The following ABCG8 variants were observed in gnomAD, a reference collection of about 807,000 sequenced individuals.
The protein encoded by ABCG8 is ATP-binding cassette sub-family G member 8.
Under a neutral mutation model 71.3 loss-of-function variants are expected in ABCG8, and 81 were observed. That is an observed-to-expected ratio of 1.14 (90% CI 0.95 to 1.37). The LOEUF (loss-of-function observed/expected upper bound fraction) is 1.37. Ranked by LOEUF, ABCG8 falls within the 40% of genes most tolerant of loss-of-function variation. The pLI is 0.00. For missense variants in ABCG8, 1,119 were observed against 866.2 expected (o/e 1.29, Z -3.66); for synonymous variants, 451 against 354.7 (o/e 1.27, Z -3.05).
At chr2:43,839,613 G>GT (rs1668499777) in intron 1 of ABCG8, among the ~76,000 whole-genome samples, 4 of 151,530 alleles carry the variant, frequency 2.6e-5, no homozygotes, top group African/African-American at 7.3e-5. Context: ...TTTTAGTAGA[G>GT]ACAGTGTTTC....
chr2:43,869,590 G>A lies in ABCG8; in HGVS notation c.965-2386G>A, dbSNP rs572801130. 5.5e-4 allele frequency among the ~76,000 whole-genome samples: 83 copies of A among 152,206 alleles called. No homozygotes were observed. In the South Asian group the frequency reaches 0.016, roughly 30 times the overall value. Reference sequence around the variant, plus strand: ...GGATAGAACTCTCAGTATCTGGATAGAATTCTTACTCTCTGGATAGAACTC... The same window carrying A: ...GGATAGAACTCTCAGTATCTGGATAAAATTCTTACTCTCTGGATAGAACTC... On this transcript the variant is annotated intron_variant, in intron 6 of 12. Transcript: ENST00000272286.
chr2:43,874,512 C>T (rs963006546), intron 10 of ABCG8, 29 bp downstream of exon 10: 1 of 1,563,168 alleles, frequency 6.4e-7, no homozygotes, highest in Non-Finnish European at 8.8e-7. Context: ...GAGCAAGTGC[C>T]CCCCACCCAC....
chr2:43,874,383 C>T (rs1197177478), intron 9 of ABCG8, 24 bp from the exon 10 acceptor site: 1 of 1,539,902 alleles, frequency 6.5e-7, no homozygotes, highest in Non-Finnish European at 9.0e-7. Flanking sequence ...TCTTCATTCT[C>T]TTTTCCTTTC....
At chr2:43,839,557 G>A (rs1668497388) in intron 1 of ABCG8, among the ~76,000 whole-genome samples, 1 of 151,356 alleles carries the variant, frequency 6.6e-6, no homozygotes, top group Non-Finnish European at 1.5e-5. Flanking sequence ...CTCCCAAGTA[G>A]CTGAGATTAC....
intron 4 of ABCG8, among the ~76,000 whole-genome samples, chr2:43,852,065 G>A (rs1238622197): frequency 6.6e-6 from 1 of 152,238 alleles, no homozygotes; most frequent in Non-Finnish European, 1.5e-5. Context: ...TGGGATGAGT[G>A]TATTTGTTTG....
chr2:43,853,366 G>C (rs1668993140), intron 6 of ABCG8, among the ~76,000 whole-genome samples: 1 of 152,264 alleles, frequency 6.6e-6, no homozygotes, highest in Admixed American at 6.5e-5. Flanking sequence ...CCCTTTGCTT[G>C]GGTCCTGAAC....
Position 43,872,084 on chromosome 2 carries a change from A to T in ABCG8, c.1073A>T (p.Asp358Val). The T allele has an allele frequency of 6.2e-7, 1 of 1,614,110 alleles. No individual in the cohort carries two copies. The highest frequency in any genetic ancestry group is 8.5e-7 in the Non-Finnish European group (1 of 1,180,032). ...LFLEKVRDLD[D>V]FLWKAETKDL... ...CTAGAAAAAGTGCGTGACTTAGATG[A>T]CTTTCTATGGAAAGCAGAGACGAAG... Residue 358 changes from aspartate (D) to valine (V), a missense_variant, in exon 7 of 13, where the codon GAC becomes GTC. By Grantham distance (152) the Asp-to-Val change is radical. Transcript: ENST00000272286.
chr2:43,856,621 C>A (rs762520936), intron 6 of ABCG8, among the ~76,000 whole-genome samples: 2 of 151,092 alleles, frequency 1.3e-5, no homozygotes, highest in Non-Finnish European at 3.0e-5. Context: ...CTGAATAGAA[C>A]TCTCTATCCG....
At position 43,875,232 on chromosome 2, in the gene ABCG8, C is replaced by G. The variant is rs1669919477; in HGVS notation, c.1575C>G (p.Leu525=). ...TYWLANLRPG[L]QPFLLHFLLV... ...GGCTGGCCAACCTGAGGCCAGGCCT[C>G]CAGCCCTTCCTGCTGCACTTCCTGC... The change falls in exon 11 of 13, where the codon CTC becomes CTG. Residue 525 remains leucine, a synonymous_variant. Coordinates refer to ENST00000272286, the MANE Select transcript of ABCG8 (RefSeq NM_022437.3). 1.2e-6 allele frequency: 2 copies of G among 1,614,232 alleles called. No homozygotes were observed. The highest frequency in any genetic ancestry group is 1.7e-6 in the Non-Finnish European group (2 of 1,180,036).
rs537784677 is a variant in ABCG8, at chr2:43,839,403, C to CTTTTTTTTTTTT, written c.63+317_63+328dup. On this transcript the variant is annotated intron_variant, in intron 1 of 12. Coordinates refer to ENST00000272286, the MANE Select transcript of ABCG8 (RefSeq NM_022437.3). ...CACTTTTTCTTTTTTCTTTTCTTCT[C>CTTTTTTTTTTTT]TTTTTTTTTTTTTTTTTTTTTTTTT... 4.6e-4 allele frequency among the ~76,000 whole-genome samples: 27 copies of CTTTTTTTTTTTT among 59,298 alleles called. 6 individuals carry two copies. Among genetic ancestry groups the CTTTTTTTTTTTT allele is most frequent in the Non-Finnish European group, 7.7e-4 (24 of 31,224 alleles). 38.9% of individuals were successfully genotyped at this position (59,298 alleles called of 152,430 possible).
chr2:43,859,556 G>A (rs1035234986), intron 6 of ABCG8, among the ~76,000 whole-genome samples: 1 of 150,868 alleles, frequency 6.6e-6, no homozygotes, highest in Admixed American at 6.6e-5. Context: ...TGTCTGGAAA[G>A]AATTCTCACT....
intron 4 of ABCG8, among the ~76,000 whole-genome samples, 182 bp downstream of exon 4, chr2:43,852,004 G>A (rs776147311): frequency 1.3e-5 from 2 of 152,124 alleles, no homozygotes; most frequent in Admixed American, 6.5e-5. Flanking sequence ...CCCACAGCCC[G>A]CCAGAAGCTA....
At chr2:43,851,168 C>G (rs1668901504) in intron 3 of ABCG8, among the ~76,000 whole-genome samples, 1 of 152,216 alleles carries the variant, frequency 6.6e-6, no homozygotes, top group Non-Finnish European at 1.5e-5. Flanking sequence ...TGAGACATTG[C>G]TGGCATGTTT....
chr2:43,844,436 T>C (rs1668675385), intron 1 of ABCG8, 71 bp from the exon 2 acceptor site: 7 of 1,313,648 alleles, frequency 5.3e-6, no homozygotes, highest in Admixed American at 3.6e-5. Flanking sequence ...CACCTGTTGG[T>C]TTCCTTCTTG....
At chr2:43,850,770 G>A (rs947642689) in intron 3 of ABCG8, among the ~76,000 whole-genome samples, 3 of 151,998 alleles carry the variant, frequency 2.0e-5, no homozygotes, top group South Asian at 2.1e-4. Flanking sequence ...AAAATTAGCC[G>A]GGCATGGTAG....
rs537784677 is a variant in ABCG8 at position 43,839,403 on chromosome 2, C to CTTTTTTTTTT, written c.63+319_63+328dup. Among the ~76,000 whole-genome samples, 39 of 59,310 alleles carry CTTTTTTTTTT rather than the reference C, an allele frequency of 6.6e-4. 10 individuals are homozygous for CTTTTTTTTTT. Among genetic ancestry groups the CTTTTTTTTTT allele is most frequent in the Non-Finnish European group, 1.1e-3 (35 of 31,220 alleles). The allele number at this position is 59,310 out of a possible 152,430, so 38.9% of individuals were successfully genotyped here. A position where few individuals can be genotyped will look rare whatever the true frequency, so the allele number is the denominator to read the frequency against. On this transcript the variant is annotated intron_variant, in intron 1 of 12. Coordinates refer to ENST00000272286, the MANE Select transcript of ABCG8 (RefSeq NM_022437.3). ...CACTTTTTCTTTTTTCTTTTCTTCT[C>CTTTTTTTTTT]TTTTTTTTTTTTTTTTTTTTTTTTT...
intron 10 of ABCG8, among the ~76,000 whole-genome samples, chr2:43,874,777 C>T (rs914665482): frequency 1.3e-5 from 2 of 152,152 alleles, no homozygotes; most frequent in African/African-American, 2.4e-5. Flanking sequence ...CTCACTGTGG[C>T]CCCCCAGCAG....
intron 11 of ABCG8, 152 bp from the exon 12 acceptor site, chr2:43,877,409 G>T: frequency 8.0e-7 from 1 of 1,247,338 alleles, no homozygotes; most frequent in Non-Finnish European, 1.1e-6. Flanking sequence ...CTGAATATAT[G>T]GGAGACTGTG....
At chr2:43,862,249 T>G (rs1669349107) in intron 6 of ABCG8, among the ~76,000 whole-genome samples, 1 of 151,434 alleles carries the variant, frequency 6.6e-6, no homozygotes, top group Non-Finnish European at 1.5e-5. Flanking sequence ...GATAGAATTC[T>G]CAGCATCTGG....
Sources: allele counts gnomAD v4.1 joint callset (sites outside exome capture counted in the v4.1 genomes callset), GRCh38; gene constraint gnomAD v4.1.1; transcripts MANE v1.5; gene names NCBI Gene and HGNC (gene_info 2026-07-23, HGNC 2026-07-21).